PCDHGB4: variants seen among roughly 807,000 people sequenced by gnomAD.
The protein encoded by PCDHGB4 is protocadherin gamma subfamily B, 4.
In PCDHGB4, 38 loss-of-function variants were observed where a neutral mutation model predicts 60.5. That is an observed-to-expected ratio of 0.63 (90% CI 0.48 to 0.82). The LOEUF (loss-of-function observed/expected upper bound fraction) is 0.82. Ranked by LOEUF, PCDHGB4 falls within the 40% of genes least tolerant of loss-of-function variation. The pLI is 0.00. For missense variants in PCDHGB4, 1,109 were observed against 1,209.6 expected, an observed-to-expected ratio of 0.92 and a Z score of 1.23; for synonymous variants, 456 against 509.7, an observed-to-expected ratio of 0.89 and a Z score of 1.42.
At chr5:141,506,444 CAAAAAAAA>C (rs1219684339) in intron 3 of PCDHGB4, among the ~76,000 whole-genome samples, 24 of 95,024 alleles carry the variant, frequency 2.5e-4, no homozygotes, top group African/African-American at 9.5e-4. Flanking sequence ...CGCTCTGTCT[CAAAAAAAA>C]AAAAAAAAAA....
intron 1 of PCDHGB4, chr5:141,422,547 G>C: frequency 1.9e-6 from 3 of 1,613,938 alleles, no homozygotes; most frequent in Non-Finnish European, 2.5e-6. Context: ...CTCATGTCTG[G>C]CTGAATGTGG....
In PCDHGB4 at chr5:141,422,647, T is replaced by G. The variant is rs773990745; in HGVS notation, c.2397+32366T>G. 2.5e-6 allele frequency: 4 copies of G among 1,611,858 alleles called. No individual in the cohort carries two copies. In the South Asian group the frequency reaches 4.4e-5, roughly 18 times the overall value. On this transcript the variant is annotated intron_variant, in intron 1 of 3. Transcript: ENST00000519479. ...CAACCCCAGGGGTGCCTCCATCTTC[T>G]CAGTGACCGCCCTCGACCCGGACAG...
chr5:141,463,500 G>A (rs866521006), intron 1 of PCDHGB4, among the ~76,000 whole-genome samples: 30 of 139,838 alleles, frequency 2.1e-4, no homozygotes, highest in African/African-American at 7.0e-4. Context: ...CCAGGCTGGA[G>A]TGACGTGGCG....
At chr5:141,467,131 C>A (rs1441537783) in intron 1 of PCDHGB4, among the ~76,000 whole-genome samples, 1 of 151,702 alleles carries the variant, frequency 6.6e-6, no homozygotes, top group African/African-American at 2.4e-5. Flanking sequence ...CAGCTCACTG[C>A]AACCTCTGCC....
At chr5:141,494,954 G>A in intron 2 of PCDHGB4, 89 bp downstream of exon 2, 2 of 1,601,116 alleles carry the variant, frequency 1.2e-6, no homozygotes. Context: ...CCCAGCATTT[G>A]CTACAGATGG....
intron 1 of PCDHGB4, chr5:141,393,090 G>T: frequency 6.2e-7 from 1 of 1,613,626 alleles, no homozygotes; most frequent in South Asian, 1.1e-5. Flanking sequence ...GATAGATCGG[G>T]AGGAGCTCTG....
intron 1 of PCDHGB4, among the ~76,000 whole-genome samples, chr5:141,473,948 A>ACC (rs2099333859): frequency 1.3e-5 from 2 of 152,182 alleles, no homozygotes; most frequent in Non-Finnish European, 2.9e-5. Context: ...TCAGGCCTGT[A>ACC]GTCCCATCTA....
rs2091598298 is a variant in PCDHGB4, at chr5:141,389,085, A to T, written c.1201A>T (p.Lys401Ter). 3.7e-6 allele frequency: 6 copies of T among 1,614,054 alleles called. No homozygotes were observed. The highest frequency in any genetic ancestry group is 5.1e-6 in the Non-Finnish European group (6 of 1,179,898). The change falls in exon 1 of 4, where the codon AAA becomes TAA. Residue 401 changes from lysine to a stop codon, truncating the protein, a stop_gained. Transcript: ENST00000519479. LOFTEE classifies it high-confidence loss of function. ...KILTSSRNTY[K>*]LVTDAVLDRE... Reference sequence around the variant, plus strand: ...ATTAACTTCTTCAAGAAACACGTATAAATTAGTGACAGATGCTGTTCTAGA... The same window carrying T: ...ATTAACTTCTTCAAGAAACACGTATTAATTAGTGACAGATGCTGTTCTAGA...
Position 141,489,090 on chromosome 5 carries a change from C to CCAA in PCDHGB4, c.2398-5717_2398-5716insCAA, listed in dbSNP as rs2099682444. 1 of 328,824 alleles carries CCAA rather than the reference C, an allele frequency of 3.0e-6. No individual in the cohort carries two copies. Among genetic ancestry groups the CCAA allele is most frequent in the Admixed American group, 6.1e-5 (1 of 16,500 alleles). The allele number at this position is 328,824 out of a possible 1,614,324, so 20.4% of individuals were successfully genotyped here. ...CCTGCCCACCCCCGCCACTCGGTGA[C>CCAA]TAAGAACTGCTGCAAGCAGGCAAAC... On this transcript the variant is annotated intron_variant, in intron 1 of 3. Transcript: ENST00000519479. This position sits in a 1 kb window ranked among gnomAD's most constrained non-coding sequence, Gnocchi z 4.5.
intron 1 of PCDHGB4, among the ~76,000 whole-genome samples, chr5:141,447,747 C>A (rs1164160677): frequency 2.0e-5 from 3 of 152,106 alleles, no homozygotes; most frequent in Non-Finnish European, 4.4e-5. Flanking sequence ...AAGAGTCTTG[C>A]ATGTGACTGT....
chr5:141,428,227 A>T (rs2154552643), intron 1 of PCDHGB4: 1 of 1,100,784 alleles, frequency 9.1e-7, no homozygotes, highest in Admixed American at 1.9e-5. Context: ...CTTCGCAGAC[A>T]GCCTGCAGGA....
chr5:141,415,119 G>A, intron 1 of PCDHGB4: 1 of 1,613,666 alleles, frequency 6.2e-7, no homozygotes, highest in African/African-American at 1.3e-5. Flanking sequence ...GCCTCGTAGT[G>A]GCCGTCCAGG....
intron 1 of PCDHGB4, chr5:141,427,780 TGTCGTCCTAC>T (rs892399327): frequency 8.9e-6 from 13 of 1,455,886 alleles, no homozygotes; most frequent in Middle Eastern, 1.7e-4. Context: ...CTGCGGGCAC[TGTCGTCCTAC>T]GTGTCCGTGA....
chr5:141,501,290 T>TACACAC lies in PCDHGB4; in HGVS notation c.2457-4064_2457-4059dup, dbSNP rs55762287. Among the ~76,000 whole-genome samples the TACACAC allele has an allele frequency of 5.7e-3, 774 of 136,224 alleles. 5 individuals are homozygous for TACACAC. The highest frequency in any genetic ancestry group is 9.9e-3 in the African/African-American group (361 of 36,504). The allele number at this position is 136,224 out of a possible 152,430, so 89.4% of individuals were successfully genotyped here. A position where few individuals can be genotyped will look rare whatever the true frequency, so the allele number is the denominator to read the frequency against. ...GTCCAGTCTATGGGATATTCCCTTA[T>TACACAC]ACACACACACACACACACACACACA... On this transcript the variant is annotated intron_variant, in intron 2 of 3. Transcript: ENST00000519479.
intron 1 of PCDHGB4, among the ~76,000 whole-genome samples, chr5:141,469,667 T>C (rs62379201): frequency 0.22 from 32,952 of 152,218 alleles, 3,707 homozygotes; most frequent in African/African-American, 0.28. Flanking sequence ...CTTGTTCTAA[T>C]AAAACTACAT....
chr5:141,424,776 A>G (rs1406581367), intron 1 of PCDHGB4: 2 of 152,154 alleles, frequency 1.3e-5, no homozygotes, highest in African/African-American at 4.8e-5. Context: ...CAAATAGTAC[A>G]TTCAGTTCTT....
chr5:141,504,209 C>T (rs1305672612), intron 2 of PCDHGB4, among the ~76,000 whole-genome samples: 1 of 152,180 alleles, frequency 6.6e-6, no homozygotes, highest in Non-Finnish European at 1.5e-5. Flanking sequence ...TGGGAAAATT[C>T]CAAGTAGAGC....
chr5:141,388,368 A>G lies in PCDHGB4; in HGVS notation c.484A>G (p.Ile162Val), dbSNP rs1420676769. 1.2e-6 allele frequency: 2 copies of G among 1,614,026 alleles called. No individual in the cohort carries two copies. Among genetic ancestry groups the G allele is most frequent in the Admixed American group, 3.3e-5 (2 of 60,022 alleles). Reference sequence around the variant, plus strand: ...ATTAGGATCTGCCCATGATGCGGATATTGGTAGCAACACACTGCAGAATTA... The same window carrying G: ...ATTAGGATCTGCCCATGATGCGGATGTTGGTAGCAACACACTGCAGAATTA... ...FILGSAHDADIGSNTLQNYQL... is the reference protein window; with the variant it reads ...FILGSAHDADVGSNTLQNYQL... Residue 162 changes from isoleucine (I) to valine (V), a missense_variant, in exon 1 of 4, where the codon ATT becomes GTT. Transcript: ENST00000519479.
intron 1 of PCDHGB4, chr5:141,393,282 G>A (rs2150516370): frequency 1.2e-6 from 2 of 1,613,980 alleles, no homozygotes; most frequent in Non-Finnish European, 1.7e-6. Context: ...ACTCCCAGAA[G>A]CTGTTGACCC....
Sources: allele counts gnomAD v4.1 joint callset (sites outside exome capture counted in the v4.1 genomes callset), GRCh38; gene constraint gnomAD v4.1.1; non-coding constraint Gnocchi (gnomAD v3.1); transcripts MANE v1.5; gene names NCBI Gene and HGNC (gene_info 2026-07-23, HGNC 2026-07-21).